The following TSPAN3 variants were observed in gnomAD, a reference collection of about 807,000 sequenced individuals.
TSPAN3 encodes tetraspanin 3, also known as tetraspanin-3.
TSPAN3 carries 9 observed loss-of-function variants against 31.1 expected under a neutral mutation model. The observed-to-expected ratio is 0.29, with a 90% CI of 0.17 to 0.50. TSPAN3 has a LOEUF of 0.50. Ranked by LOEUF, TSPAN3 falls within the 20% of genes least tolerant of loss-of-function variation. The pLI, the probability that TSPAN3 is intolerant of heterozygous loss-of-function variation, is 0.98. For missense variants in TSPAN3, 252 were observed against 313.5 expected (o/e 0.80, Z 1.48); for synonymous variants, 129 against 114.3 (o/e 1.13, Z -0.82).
Position 77,046,832 on chromosome 15 carries a change from C to A in TSPAN3, c.*3G>T. ...ACCAAAAAGCTCAGGCTTGAGTTGT[C>A]AACTATGCATAGGTTCCGCCAGTGA... On this transcript the variant is annotated 3_prime_UTR_variant, in exon 7 of 7. Transcript: ENST00000267970. The A allele has an allele frequency of 6.3e-7, 1 of 1,584,894 alleles. No homozygotes were observed. Among genetic ancestry groups the A allele is most frequent in the South Asian group, 1.1e-5 (1 of 87,444 alleles).
At position 77,046,890 on chromosome 15, in the gene TSPAN3, C is replaced by T; in HGVS notation, c.707G>A (p.Arg236Lys). The change falls in exon 7 of 7, where the codon AGA becomes AAA. Residue 236 changes from arginine (R) to lysine (K), a missense_variant. By Grantham distance (26) the Arg-to-Lys change is conservative. Coordinates refer to ENST00000267970, the MANE Select transcript of TSPAN3 (RefSeq NM_005724.6). The part of the protein sequence containing the change: ...GMLCACIVLC[R>K]RSRDPAYELL... ...CTCGTAAGCAGGATCTCTACTCCTT[C>T]TGCACAACACGATGCAAGCACACAG... The T allele has an allele frequency of 6.3e-7, 1 of 1,591,112 alleles. No individual in the cohort carries two copies. The highest frequency in any genetic ancestry group is 8.6e-7 in the Non-Finnish European group (1 of 1,166,028).
intron 6 of TSPAN3, among the ~76,000 whole-genome samples, chr15:77,049,202 G>T (rs930232275): frequency 6.6e-6 from 1 of 152,154 alleles, no homozygotes; most frequent in African/African-American, 2.4e-5. Context: ...GGTGTGAGGG[G>T]AAGGAGGAGG....
At chr15:77,068,670 T>C (rs886964785) in intron 1 of TSPAN3, among the ~76,000 whole-genome samples, 1 of 152,164 alleles carries the variant, frequency 6.6e-6, no homozygotes, top group Non-Finnish European at 1.5e-5. Flanking sequence ...TGAAAATTAT[T>C]TTTCCTTTTA....
At chr15:77,051,528 T>TA (rs575430311) in intron 6 of TSPAN3, among the ~76,000 whole-genome samples, 152 of 128,276 alleles carry the variant, frequency 1.2e-3, no homozygotes, top group Middle Eastern at 7.4e-3. Flanking sequence ...AACTCTGTCG[T>TA]AAAAAAAAAA....
At position 77,045,012 on chromosome 15, in the gene TSPAN3, T is replaced by G. The variant is rs1367704271; in HGVS notation, c.*1823A>C. 2 of 152,152 alleles carry G rather than the reference T, an allele frequency of 1.3e-5. No individual in the cohort carries two copies. The highest frequency in any genetic ancestry group is 2.9e-5 in the Non-Finnish European group (2 of 68,052). The allele number at this position is 152,152 out of a possible 1,614,324, so 9.4% of individuals were successfully genotyped here. A position where few individuals can be genotyped will look rare whatever the true frequency, so the allele number is the denominator to read the frequency against. ...TAACTTCCACTTTGTGAAAAGGAGT[T>G]AGTTTTTACTCCTCTCCTTTCCCGT... On this transcript the variant is annotated 3_prime_UTR_variant, in exon 7 of 7. Transcript: ENST00000267970.
intron 1 of TSPAN3, among the ~76,000 whole-genome samples, chr15:77,060,500 T>C (rs1422036561): frequency 1.3e-5 from 2 of 152,174 alleles, no homozygotes; most frequent in Admixed American, 1.3e-4. Context: ...GGAAACAGTA[T>C]AGTAAATGGA....
rs755026849 is a variant in TSPAN3 at position 77,054,181 on chromosome 15, T to C, written c.429A>G (p.Arg143=). 2 of 1,613,138 alleles carry C rather than the reference T, an allele frequency of 1.2e-6. No homozygotes were observed. Among genetic ancestry groups the C allele is most frequent in the Non-Finnish European group, 1.7e-6 (2 of 1,179,226 alleles). ...AASRAIDYVQ[R]QLHCCGIHNY... ...AATCTGCCTCAAGAAAGCTCACCTG[T>C]CTCTGTACATAATCAATAGCCCGGC... The change falls in exon 4 of 7, where the codon AGA becomes AGG. Residue 143 remains arginine, a synonymous_variant. Transcript: ENST00000267970.
At chr15:77,052,357 A>C (rs2076737535) in intron 6 of TSPAN3, 28 bp downstream of exon 6, 1 of 1,608,240 alleles carries the variant, frequency 6.2e-7, no homozygotes, top group African/African-American at 1.3e-5. Context: ...ACTCACTCCG[A>C]TAGAACTCCT....
chr15:77,065,012 G>C (rs901523223), intron 1 of TSPAN3: 1 of 152,220 alleles, frequency 6.6e-6, no homozygotes, highest in African/African-American at 2.4e-5. Flanking sequence ...ACAAAAGCAT[G>C]ACGGTATAAA....
chr15:77,046,398 C>G lies in TSPAN3; in HGVS notation c.*437G>C, dbSNP rs1450449605. The stretch of plus-strand genomic sequence containing the variant: ...AAAGGACACCAATGAGGGGCACCAT[C>G]TGGTGTTAACCTTAACCAGAAAGCT... On this transcript the variant is annotated 3_prime_UTR_variant, in exon 7 of 7. Transcript: ENST00000267970. 1 of 403,698 alleles carries G rather than the reference C, an allele frequency of 2.5e-6. No individual in the cohort carries two copies. The highest frequency in any genetic ancestry group is 4.4e-6 in the Non-Finnish European group (1 of 228,658). 25.0% of individuals were successfully genotyped at this position (403,698 alleles called of 1,614,324 possible).
chr15:77,046,781 C>A lies in TSPAN3; in HGVS notation c.*54G>T. The A allele has an allele frequency of 7.3e-7, 1 of 1,364,678 alleles. No homozygotes were observed. The highest frequency in any genetic ancestry group is 1.2e-5 in the South Asian group (1 of 80,250). The allele number at this position is 1,364,678 out of a possible 1,614,324, so 84.5% of individuals were successfully genotyped here. On this transcript the variant is annotated 3_prime_UTR_variant, in exon 7 of 7. Coordinates refer to ENST00000267970, the MANE Select transcript of TSPAN3 (RefSeq NM_005724.6). ...AGAGGCCAACAGCAGCAGACCTGCT[C>A]AATTCACCTTCCAAATCAGAACAAG... is the stretch of plus-strand genomic sequence containing the variant.
chr15:77,063,714 G>A (rs566502416), intron 1 of TSPAN3: 5 of 152,228 alleles, frequency 3.3e-5, no homozygotes, highest in African/African-American at 1.2e-4. Context: ...GCTTAACAAA[G>A]TTGTTCTATT....
At position 77,056,270 on chromosome 15, in the gene TSPAN3, G is replaced by A. The variant is rs373926814; in HGVS notation, c.64-15C>T. 89 of 1,566,184 alleles carry A rather than the reference G, an allele frequency of 5.7e-5. No homozygotes were observed. The highest frequency in any genetic ancestry group is 7.3e-5 in the Non-Finnish European group (85 of 1,161,144). On this transcript the variant is annotated splice_polypyrimidine_tract_variant and intron_variant, in intron 1 of 6. Coordinates refer to ENST00000267970, the MANE Select transcript of TSPAN3 (RefSeq NM_005724.6). Reference sequence around the variant, plus strand: ...CCAGCTGCCCCCTGTAGAAAACAAAGTCAGTACTGGTCTCTAAGCACTGCT... The same window carrying A: ...CCAGCTGCCCCCTGTAGAAAACAAAATCAGTACTGGTCTCTAAGCACTGCT...
intron 1 of TSPAN3, chr15:77,063,630 A>G (rs2076813227): frequency 6.6e-6 from 1 of 152,224 alleles, no homozygotes; most frequent in Non-Finnish European, 1.5e-5. Flanking sequence ...ATGATATGCC[A>G]AAGGTCATGC....
rs2076670172 is a variant in TSPAN3 at position 77,043,297 on chromosome 15, T to C, written c.*3538A>G. On this transcript the variant is annotated 3_prime_UTR_variant, in exon 7 of 7. Coordinates refer to ENST00000267970, the MANE Select transcript of TSPAN3 (RefSeq NM_005724.6). ...AGCCCTAGGGGTGATGGCTGTTCTC[T>C]GCTAAGCTGCTTTAGAGCTCTTTTT... 1 of 152,244 alleles carries C rather than the reference T, an allele frequency of 6.6e-6. No homozygotes were observed. The highest frequency in any genetic ancestry group is 2.4e-5 in the African/African-American group (1 of 41,452). 9.4% of individuals were successfully genotyped at this position (152,244 alleles called of 1,614,324 possible). A position where few individuals can be genotyped will look rare whatever the true frequency, so the allele number is the denominator to read the frequency against.
rs1187591867 is a variant in TSPAN3 at position 77,041,960 on chromosome 15, G to A, written c.*4875C>T. On this transcript the variant is annotated 3_prime_UTR_variant, in exon 7 of 7. Coordinates refer to ENST00000267970, the MANE Select transcript of TSPAN3 (RefSeq NM_005724.6). ...GATGATCACTGTGGCGAGTAGTGGA[G>A]GCACTGGAGGCAGCCTGCAGGCCTG... The A allele has an allele frequency of 6.6e-6, 1 of 152,184 alleles. No individual in the cohort carries two copies. The highest frequency in any genetic ancestry group is 2.4e-5 in the African/African-American group (1 of 41,436). The allele number at this position is 152,184 out of a possible 1,614,324, so 9.4% of individuals were successfully genotyped here. A position where few individuals can be genotyped will look rare whatever the true frequency, so the allele number is the denominator to read the frequency against.
Position 77,044,350 on chromosome 15 carries a change from C to T in TSPAN3, c.*2485G>A, listed in dbSNP as rs2076676770. ...TAATGCCAACACCTAGCCTCAGCTA[C>T]ACGGGGGAAGGGCAGAAACAAGATG... On this transcript the variant is annotated 3_prime_UTR_variant, in exon 7 of 7. Coordinates refer to ENST00000267970, the MANE Select transcript of TSPAN3 (RefSeq NM_005724.6). The T allele has an allele frequency of 6.6e-6, 1 of 152,264 alleles. No homozygotes were observed. 9.4% of individuals were successfully genotyped at this position (152,264 alleles called of 1,614,324 possible).
At chr15:77,055,169 AT>A (rs1317099276) in intron 3 of TSPAN3, 4 of 152,246 alleles carry the variant, frequency 2.6e-5, no homozygotes, top group Non-Finnish European at 1.5e-5. Context: ...CTCTAAAATT[AT>A]ACCCATATTA....
intron 6 of TSPAN3, among the ~76,000 whole-genome samples, 195 bp downstream of exon 6, chr15:77,052,190 G>C (rs1294274801): frequency 6.6e-6 from 1 of 152,166 alleles, no homozygotes; most frequent in Admixed American, 6.5e-5. Context: ...CCAGATTTCT[G>C]GTTTCTTTAG....
Sources: allele counts gnomAD v4.1 joint callset (sites outside exome capture counted in the v4.1 genomes callset), GRCh38; gene constraint gnomAD v4.1.1; transcripts MANE v1.5; gene names NCBI Gene and HGNC (gene_info 2026-07-23, HGNC 2026-07-21).